Variants in DCDC2 observed in about 807,000 individuals in gnomAD.
DCDC2 encodes the protein doublecortin domain containing 2, also known as doublecortin domain-containing protein 2.
Under a neutral mutation model 50.2 loss-of-function variants are expected in DCDC2, and 40 were observed. The ratio of observed to expected loss-of-function variants is 0.80; its 90% CI spans 0.62 to 1.04. The LOEUF (loss-of-function observed/expected upper bound fraction) is 1.04, where lower values mean the gene tolerates loss of function less well. Ranked by LOEUF, DCDC2 falls within the 50% of genes least tolerant of loss-of-function variation. The pLI, the probability that DCDC2 is intolerant of heterozygous loss-of-function variation, is 0.00. For synonymous variants in DCDC2, 234 were observed against 210.6 expected, an observed-to-expected ratio of 1.11 and a Z score of -0.96; for missense variants, 570 against 581.9, an observed-to-expected ratio of 0.98 and a Z score of 0.21.
At chr6:24,238,986 T>C (rs974382383) in intron 7 of DCDC2, among the ~76,000 whole-genome samples, 9 of 152,212 alleles carry the variant, frequency 5.9e-5, no homozygotes, top group African/African-American at 2.2e-4. Flanking sequence ...TTCTAGAGTA[T>C]ATGACATGCG....
At chr6:24,213,610 T>C (rs2113768584) in intron 7 of DCDC2, among the ~76,000 whole-genome samples, 1 of 152,306 alleles carries the variant, frequency 6.6e-6, no homozygotes, top group Admixed American at 6.5e-5. Context: ...ACATGTGAAA[T>C]ATATTGAATT....
At chr6:24,223,711 A>G (rs1762165090) in intron 7 of DCDC2, among the ~76,000 whole-genome samples, 1 of 152,264 alleles carries the variant, frequency 6.6e-6, no homozygotes, top group South Asian at 2.1e-4. Flanking sequence ...ATGGCATTGG[A>G]TAAGGATCAT....
At chr6:24,311,282 G>GCAATACTTTTTATA (rs1418149683) in intron 2 of DCDC2, among the ~76,000 whole-genome samples, 13 of 152,210 alleles carry the variant, frequency 8.5e-5, no homozygotes, top group African/African-American at 3.1e-4. Flanking sequence ...AACTTTTCAT[G>GCAATACTTTTTATA]CAATACTTTT....
At chr6:24,188,119 G>A (rs79347919) in intron 8 of DCDC2, among the ~76,000 whole-genome samples, 1 of 152,170 alleles carries the variant, frequency 6.6e-6, no homozygotes, top group African/African-American at 2.4e-5. Context: ...ACTGTCACCT[G>A]GGGACCTTGT....
At chr6:24,279,359 G>A (rs1763422652) in intron 6 of DCDC2, among the ~76,000 whole-genome samples, 4 of 152,074 alleles carry the variant, frequency 2.6e-5, no homozygotes, top group Admixed American at 1.3e-4. Context: ...AGGATCACTG[G>A]AGGTCAGGAG....
At chr6:24,217,286 T>C (rs976049720) in intron 7 of DCDC2, among the ~76,000 whole-genome samples, 1 of 152,216 alleles carries the variant, frequency 6.6e-6, no homozygotes, top group South Asian at 2.1e-4. Context: ...ATTAAATACC[T>C]AGCTCAAATA....
chr6:24,353,945 G>C (rs998345239), intron 1 of DCDC2, among the ~76,000 whole-genome samples: 1 of 152,156 alleles, frequency 6.6e-6, no homozygotes, highest in Admixed American at 6.5e-5. Flanking sequence ...TTTTTTAAAA[G>C]AGTGGCTTAT....
chr6:24,335,809 G>A (rs957365950), intron 2 of DCDC2, among the ~76,000 whole-genome samples: 1 of 152,100 alleles, frequency 6.6e-6, no homozygotes, highest in African/African-American at 2.4e-5. Flanking sequence ...TAGATCTCGT[G>A]AGAACATATT....
At chr6:24,367,796 T>A in the DCDC2 span, among the ~76,000 whole-genome samples, 1 of 151,896 alleles carries the variant, frequency 6.6e-6, no homozygotes. Flanking sequence ...AAACAAATGA[T>A]AAATGGGAAT....
chr6:24,285,539 T>A (rs1177656015), intron 6 of DCDC2, among the ~76,000 whole-genome samples: 1 of 152,218 alleles, frequency 6.6e-6, no homozygotes, highest in Admixed American at 6.5e-5. Context: ...CGCTCATTGC[T>A]GTATCCCTGG....
intron 4 of DCDC2, among the ~76,000 whole-genome samples, chr6:24,300,614 G>T (rs577178388): frequency 6.6e-6 from 1 of 152,244 alleles, no homozygotes; most frequent in Admixed American, 6.5e-5. Context: ...ATTAATATGT[G>T]TAAATATACA....
rs1339085019 is a variant in DCDC2 at position 24,199,824 on chromosome 6, C to G, written c.1023+5178G>C. Among the ~76,000 whole-genome samples, 3 of 151,984 alleles carry G rather than the reference C, an allele frequency of 2.0e-5. No homozygotes were observed. In the East Asian group the frequency reaches 5.8e-4, roughly 29 times the overall value. On this transcript the variant is annotated intron_variant, in intron 8 of 9. Coordinates refer to ENST00000378454, the MANE Select transcript of DCDC2 (RefSeq NM_016356.5). Reference sequence around the variant, plus strand: ...CAGTTTGGATAAGAACATAAATGACCTGATGGAGCTGAAAAACACAGCAAA... The same window carrying G: ...CAGTTTGGATAAGAACATAAATGACGTGATGGAGCTGAAAAACACAGCAAA...
At chr6:24,180,802 A>G (rs1355011189) in intron 8 of DCDC2, among the ~76,000 whole-genome samples, 1 of 152,170 alleles carries the variant, frequency 6.6e-6, no homozygotes, top group African/African-American at 2.4e-5. Flanking sequence ...TTGTCATTAC[A>G]AAAGTTAACA....
chr6:24,206,028 C>A (rs1329764175), intron 7 of DCDC2, among the ~76,000 whole-genome samples: 1 of 152,054 alleles, frequency 6.6e-6, no homozygotes, highest in Non-Finnish European at 1.5e-5. Context: ...TTATCTTTTG[C>A]CTTAAAACCC....
intron 8 of DCDC2, among the ~76,000 whole-genome samples, chr6:24,202,185 A>G (rs1043775449): frequency 2.6e-5 from 4 of 152,210 alleles, no homozygotes; most frequent in African/African-American, 4.8e-5. Context: ...ACAACAGAAG[A>G]ACATTTCAGG....
chr6:24,292,073 C>G (rs1763764252), intron 4 of DCDC2, among the ~76,000 whole-genome samples: 1 of 152,036 alleles, frequency 6.6e-6, no homozygotes, highest in Non-Finnish European at 1.5e-5. Flanking sequence ...TCACAGTAAC[C>G]TTCCTTTACT....
intron 7 of DCDC2, among the ~76,000 whole-genome samples, chr6:24,230,178 A>G (rs1762309860): frequency 6.6e-6 from 1 of 152,236 alleles, no homozygotes; most frequent in South Asian, 2.1e-4. Context: ...GGGAATGCAG[A>G]AGTGAACAAA....
At chr6:24,378,982 A>C in the DCDC2 span, among the ~76,000 whole-genome samples, 69 of 146,214 alleles carry the variant, frequency 4.7e-4, no homozygotes, top group Non-Finnish European at 8.9e-4. Context: ...AAAAAAGGCC[A>C]ATCTAGCCAT....
intron 6 of DCDC2, 46 bp downstream of exon 6, chr6:24,288,806 C>A: frequency 1.3e-6 from 2 of 1,541,756 alleles, no homozygotes; most frequent in Non-Finnish European, 1.8e-6. Flanking sequence ...CTCTTTGTAT[C>A]ATATAAAAAT....
Sources: allele counts gnomAD v4.1 joint callset (sites outside exome capture counted in the v4.1 genomes callset), GRCh38; gene constraint gnomAD v4.1.1; transcripts MANE v1.5; gene names NCBI Gene and HGNC (gene_info 2026-07-23, HGNC 2026-07-21).